Variants in PGM5 observed in about 807,000 individuals in gnomAD.
The protein encoded by PGM5 is phosphoglucomutase 5, also known as phosphoglucomutase-like protein 5.
Under a neutral mutation model 59.2 loss-of-function variants are expected in PGM5, and 23 were observed. That is an observed-to-expected ratio of 0.39 (90% CI 0.28 to 0.55). PGM5 has a LOEUF of 0.55. PGM5 is among the 20% of genes least tolerant of loss of function. The pLI, the probability that PGM5 is intolerant of heterozygous loss-of-function variation, is 0.66. For synonymous variants in PGM5, 214 were observed against 286.0 expected (o/e 0.75, Z 2.54); for missense variants, 574 against 748.3 (o/e 0.77, Z 2.72).
At chr9:68,399,251 G>T (rs1337214895) in intron 6 of PGM5, 5 of 151,838 alleles carry the variant, frequency 3.3e-5, no homozygotes, top group Non-Finnish European at 7.4e-5. Flanking sequence ...CTATCACAGT[G>T]AATACTGCTG....
chr9:68,525,693 C>T (rs989266222), intron 10 of PGM5, among the ~76,000 whole-genome samples: 3 of 152,204 alleles, frequency 2.0e-5, no homozygotes, highest in Admixed American at 1.3e-4. Flanking sequence ...GTATCCCCAT[C>T]ATTAAGTGAT....
At chr9:68,432,936 T>C (rs1554683135) in intron 6 of PGM5, among the ~76,000 whole-genome samples, 2 of 151,978 alleles carry the variant, frequency 1.3e-5, no homozygotes, top group African/African-American at 4.8e-5. Flanking sequence ...TAAACAGTTA[T>C]TTTATTCCGT....
intron 9 of PGM5, among the ~76,000 whole-genome samples, chr9:68,487,004 T>C (rs1013600074): frequency 6.6e-6 from 1 of 152,226 alleles, no homozygotes; most frequent in African/African-American, 2.4e-5. Flanking sequence ...GGATTATTTT[T>C]AAATTAAGAT....
intron 6 of PGM5, chr9:68,406,288 G>A (rs1822807761): frequency 6.6e-6 from 1 of 151,746 alleles, no homozygotes; most frequent in Non-Finnish European, 1.5e-5. Context: ...TGAAGAAAAG[G>A]AATTCATTTC....
chr9:68,424,164 G>T (rs1823195145), intron 6 of PGM5, among the ~76,000 whole-genome samples: 1 of 152,190 alleles, frequency 6.6e-6, no homozygotes, highest in Non-Finnish European at 1.5e-5. Context: ...AGCCTGAGAT[G>T]TTGTTTAGTG....
chr9:68,485,271 C>T (rs1463340682), intron 9 of PGM5, among the ~76,000 whole-genome samples: 5 of 152,166 alleles, frequency 3.3e-5, no homozygotes, highest in Non-Finnish European at 1.5e-5. Context: ...CCTCCCCCTC[C>T]ATAACTCTGA....
chr9:68,418,952 A>G (rs1244053424), intron 6 of PGM5, among the ~76,000 whole-genome samples: 2 of 152,160 alleles, frequency 1.3e-5, no homozygotes, highest in Non-Finnish European at 2.9e-5. Flanking sequence ...TAGTCGGCTG[A>G]AAAAGAGAAT....
intron 6 of PGM5, among the ~76,000 whole-genome samples, chr9:68,422,776 T>C (rs528798947): frequency 4.5e-4 from 69 of 152,304 alleles, no homozygotes; most frequent in South Asian, 8.3e-4. Context: ...TTTGGTTACA[T>C]GAGTAAGTTC....
intron 1 of PGM5, among the ~76,000 whole-genome samples, chr9:68,377,651 T>C (rs1427840983): frequency 1.3e-5 from 2 of 152,238 alleles, no homozygotes; most frequent in Non-Finnish European, 2.9e-5. Flanking sequence ...CTCCAGCACA[T>C]GCTGTCACTT....
At chr9:68,371,212 A>G (rs555766599) in intron 1 of PGM5, among the ~76,000 whole-genome samples, 6 of 152,188 alleles carry the variant, frequency 3.9e-5, no homozygotes, top group South Asian at 2.1e-4. Context: ...CCCAGACCCT[A>G]TGGTGTGGGA....
At chr9:68,379,331 T>A (rs1204946482) in intron 2 of PGM5, among the ~76,000 whole-genome samples, 1 of 152,180 alleles carries the variant, frequency 6.6e-6, no homozygotes, top group Non-Finnish European at 1.5e-5. Flanking sequence ...CAGCAACAGT[T>A]ACCATTATAA....
At chr9:68,442,283 TA>T (rs1323498803) in intron 6 of PGM5, among the ~76,000 whole-genome samples, 1 of 151,902 alleles carries the variant, frequency 6.6e-6, no homozygotes, top group Non-Finnish European at 1.5e-5. Flanking sequence ...AATCACACTT[TA>T]TTTTTTTCTT....
At chr9:68,451,209 A>G (rs1404814205) in intron 6 of PGM5, among the ~76,000 whole-genome samples, 2 of 152,196 alleles carry the variant, frequency 1.3e-5, no homozygotes, top group African/African-American at 4.8e-5. Context: ...ACCTGAAAAC[A>G]ATTATAAGCT....
chr9:68,501,185 A>C (rs1002647686), intron 10 of PGM5, among the ~76,000 whole-genome samples: 58 of 152,092 alleles, frequency 3.8e-4, no homozygotes, highest in African/African-American at 1.3e-3. Flanking sequence ...TTCTCCTCAG[A>C]AGCAAGAGTT....
intron 6 of PGM5, among the ~76,000 whole-genome samples, chr9:68,415,373 A>G (rs1294875814): frequency 8.7e-5 from 13 of 149,122 alleles, no homozygotes; most frequent in Non-Finnish European, 1.2e-4. Context: ...GGCAGGATCC[A>G]GCAGGGCAGA....
chr9:68,452,644 A>C (rs141434713), intron 6 of PGM5, among the ~76,000 whole-genome samples: 1 of 152,326 alleles, frequency 6.6e-6, no homozygotes, highest in Non-Finnish European at 1.5e-5. Flanking sequence ...ACCCCAGAAC[A>C]AGACTGCTCA....
rs537333572 is a variant in PGM5, at chr9:68,431,220, T to C, written c.1044-33873T>C. 2.0e-5 allele frequency among the ~76,000 whole-genome samples: 3 copies of C among 152,332 alleles called. No individual in the cohort carries two copies. In the East Asian group the frequency reaches 5.8e-4, roughly 29 times the overall value. Reference sequence around the variant, plus strand: ...ACTGTCACAGCCCATCTGGAGCCCTTGTTCTCCACTGCCGCCTTCCCACTA... The same window carrying C: ...ACTGTCACAGCCCATCTGGAGCCCTCGTTCTCCACTGCCGCCTTCCCACTA... On this transcript the variant is annotated intron_variant, in intron 6 of 10. Transcript: ENST00000396396.
At chr9:68,493,440 G>T (rs192455703) in intron 9 of PGM5, among the ~76,000 whole-genome samples, 31 of 152,338 alleles carry the variant, frequency 2.0e-4, no homozygotes, top group Non-Finnish European at 3.5e-4. Flanking sequence ...GTTGCATATG[G>T]TTCAACCTCA....
At chr9:68,388,230 G>A (rs1211726439) in intron 4 of PGM5, among the ~76,000 whole-genome samples, 3 of 140,806 alleles carry the variant, frequency 2.1e-5, no homozygotes, top group African/African-American at 8.0e-5. Context: ...CCACAACACT[G>A]CTGAGCCATG....
Sources: gnomAD v4.1 joint callset for allele counts (sites outside exome capture counted in the v4.1 genomes callset) on GRCh38, gnomAD v4.1.1 for gene constraint, MANE v1.5 for transcripts, NCBI Gene and HGNC (gene_info 2026-07-23, HGNC 2026-07-21) for gene names.